Variants in PPM1L observed in about 807,000 individuals in gnomAD.
The protein encoded by PPM1L is protein phosphatase, Mg2+/Mn2+ dependent 1L.
Under a neutral mutation model 31.4 loss-of-function variants are expected in PPM1L, and 13 were observed. That is an observed-to-expected ratio of 0.41 (90% confidence interval 0.27 to 0.66). The LOEUF (loss-of-function observed/expected upper bound fraction) is 0.66, where lower values mean the gene tolerates loss of function less well. Ranked by LOEUF, PPM1L falls within the 30% of genes least tolerant of loss-of-function variation. PPM1L has a pLI of 0.29. For missense variants in PPM1L, 326 were observed against 453.7 expected (o/e 0.72, Z 2.56); for synonymous variants, 184 against 175.4 (o/e 1.05, Z -0.39).
At chr3:160,849,793 T>C (rs953776273) in intron 1 of PPM1L, among the ~76,000 whole-genome samples, 3 of 151,624 alleles carry the variant, frequency 2.0e-5, no homozygotes, top group African/African-American at 7.3e-5. Flanking sequence ...CTCGATCTCC[T>C]GACCTCGTGA....
chr3:161,057,006 T>G (rs548763014), intron 2 of PPM1L, among the ~76,000 whole-genome samples: 1 of 152,178 alleles, frequency 6.6e-6, no homozygotes, highest in South Asian at 2.1e-4. Flanking sequence ...GAGGTTGCAG[T>G]GAGCCGAGAT....
At position 161,072,472 on chromosome 3, in the gene PPM1L, TAATTATTA is replaced by T. The variant is rs1719958071; in HGVS notation, c.*3316_*3323del. On this transcript the variant is annotated 3_prime_UTR_variant, in exon 4 of 4. Coordinates refer to ENST00000498165, the MANE Select transcript of PPM1L (RefSeq NM_139245.4). ...AAACAGACCTTATTTCATACAAGTG[TAATTATTA>T]CATCATTTTGGGTAAATGGCAAACA... 1 of 152,226 alleles carries T rather than the reference TAATTATTA, an allele frequency of 6.6e-6. No individual in the cohort carries two copies. The highest frequency in any genetic ancestry group is 2.1e-4 in the South Asian group (1 of 4,836). 9.4% of individuals were successfully genotyped at this position (152,226 alleles called of 1,614,324 possible). A position where few individuals can be genotyped will look rare whatever the true frequency, so the allele number is the denominator to read the frequency against.
intron 1 of PPM1L, among the ~76,000 whole-genome samples, chr3:160,774,453 ATCT>A (rs969979316): frequency 2.0e-4 from 31 of 152,158 alleles, no homozygotes; most frequent in African/African-American, 6.8e-4. Flanking sequence ...TGATGGATAA[ATCT>A]TCTATTAATA....
intron 2 of PPM1L, among the ~76,000 whole-genome samples, chr3:161,036,685 T>C (rs530448201): frequency 3.9e-5 from 6 of 152,332 alleles, no homozygotes; most frequent in Non-Finnish European, 5.9e-5. Context: ...TAGGTTTTTT[T>C]CTCCTTTTTA....
intron 1 of PPM1L, among the ~76,000 whole-genome samples, chr3:160,841,567 C>T (rs1403505903): frequency 3.3e-5 from 5 of 152,000 alleles, no homozygotes; most frequent in South Asian, 2.1e-4. Flanking sequence ...TTATTTCTGC[C>T]CAAACATTGA....
At chr3:160,784,078 G>A (rs1310467021) in intron 1 of PPM1L, among the ~76,000 whole-genome samples, 2 of 152,036 alleles carry the variant, frequency 1.3e-5, no homozygotes, top group Non-Finnish European at 2.9e-5. Context: ...CTTTGAAAGT[G>A]CAACGATGTT....
chr3:160,878,264 T>C (rs145601031), intron 1 of PPM1L, among the ~76,000 whole-genome samples: 478 of 152,280 alleles, frequency 3.1e-3, no homozygotes, highest in Non-Finnish European at 5.2e-3. Flanking sequence ...TGAGAAGGCA[T>C]GGAATAGTAG....
In PPM1L at chr3:160,922,096, G is replaced by T. The variant is rs191484500; in HGVS notation, c.400-39640G>T. Among the ~76,000 whole-genome samples the T allele has an allele frequency of 4.2e-3, 643 of 152,214 alleles. 5 individuals are homozygous for T. The highest frequency in any genetic ancestry group is 0.014 in the African/African-American group (591 of 41,544). On this transcript the variant is annotated intron_variant, in intron 1 of 3. Transcript: ENST00000498165. ...GAGGCCAAGGCGGGCAGATCACGAG[G>T]TCAGGAGATCAAGACCATCCTGGCT...
chr3:161,069,046 T>A lies in PPM1L; in HGVS notation c.972T>A (p.Pro324=). The change falls in exon 4 of 4, where the codon CCT becomes CCA. Residue 324 remains proline, a synonymous_variant. Transcript: ENST00000498165. Reference sequence around the variant, plus strand: ...TCATCAAGGAGCGCTTGGATGAACCTCACTTTGGGGCCAAGAGCATAGTTT... The same window carrying A: ...TCATCAAGGAGCGCTTGGATGAACCACACTTTGGGGCCAAGAGCATAGTTT... ...VRFIKERLDE[P]HFGAKSIVLQ... 1 of 1,614,186 alleles carries A rather than the reference T, an allele frequency of 6.2e-7. No individual in the cohort carries two copies. The highest frequency in any genetic ancestry group is 8.5e-7 in the Non-Finnish European group (1 of 1,180,018).
At chr3:160,946,333 A>C (rs1048152860) in intron 1 of PPM1L, among the ~76,000 whole-genome samples, 2 of 152,148 alleles carry the variant, frequency 1.3e-5, no homozygotes, top group African/African-American at 4.8e-5. Flanking sequence ...GGTTGGTGAG[A>C]ATTAAATGAA....
At chr3:160,989,770 C>G (rs1481261167) in intron 2 of PPM1L, among the ~76,000 whole-genome samples, 1 of 152,068 alleles carries the variant, frequency 6.6e-6, no homozygotes, top group Non-Finnish European at 1.5e-5. Context: ...AGTAATCCTC[C>G]CACCTCAGCC....
chr3:160,781,633 G>A (rs956885981), intron 1 of PPM1L, among the ~76,000 whole-genome samples: 7 of 152,144 alleles, frequency 4.6e-5, no homozygotes, highest in African/African-American at 1.4e-4. Context: ...TCCTGCAATA[G>A]GAGAGATGAT....
chr3:160,949,716 T>G (rs1715515427), intron 1 of PPM1L, among the ~76,000 whole-genome samples: 1 of 152,208 alleles, frequency 6.6e-6, no homozygotes, highest in African/African-American at 2.4e-5. Flanking sequence ...TACCTGCTAG[T>G]TGCTCATAAA....
At chr3:160,904,014 G>A (rs1326655478) in intron 1 of PPM1L, among the ~76,000 whole-genome samples, 2 of 152,058 alleles carry the variant, frequency 1.3e-5, no homozygotes. Context: ...GAGTTGAAGG[G>A]AAGAGAAAAA....
chr3:160,903,444 A>T (rs1713631418), intron 1 of PPM1L, among the ~76,000 whole-genome samples: 1 of 152,096 alleles, frequency 6.6e-6, no homozygotes, highest in Admixed American at 6.6e-5. Context: ...ATATTATGGA[A>T]AGTAATAACT....
At chr3:160,949,579 T>C (rs956250707) in intron 1 of PPM1L, among the ~76,000 whole-genome samples, 13 of 152,164 alleles carry the variant, frequency 8.5e-5, no homozygotes, top group African/African-American at 3.1e-4. Context: ...TTTGTGGTCA[T>C]GTAGAGTTCT....
intron 1 of PPM1L, among the ~76,000 whole-genome samples, chr3:160,950,615 T>C (rs1368548523): frequency 6.6e-6 from 1 of 152,214 alleles, no homozygotes; most frequent in Admixed American, 6.5e-5. Context: ...CTAAAGAGCC[T>C]TGTAGGTAGC....
At chr3:160,957,733 C>T (rs1715822666) in intron 1 of PPM1L, among the ~76,000 whole-genome samples, 2 of 152,018 alleles carry the variant, frequency 1.3e-5, no homozygotes, top group African/African-American at 2.4e-5. Context: ...CCCGTCACCA[C>T]GCCTGGCTAA....
chr3:161,064,480 G>A (rs75504713), intron 2 of PPM1L, among the ~76,000 whole-genome samples: 2,102 of 152,206 alleles, frequency 0.014, 54 homozygotes, highest in African/African-American at 0.048. Flanking sequence ...GGAAGGAAAC[G>A]TTAATGAAGA....
Sources: allele counts gnomAD v4.1 joint callset (sites outside exome capture counted in the v4.1 genomes callset), GRCh38; gene constraint gnomAD v4.1.1; transcripts MANE v1.5; gene names NCBI Gene and HGNC (gene_info 2026-07-23, HGNC 2026-07-21).